The following MICU1 variants were observed in gnomAD, a reference collection of about 807,000 sequenced individuals.
MICU1 encodes the protein mitochondrial calcium uptake 1, also known as calcium uptake protein 1, mitochondrial.
A neutral mutation model predicts 56.8 loss-of-function variants in MICU1; 45 were observed. The ratio of observed to expected loss-of-function variants is 0.79; its 90% CI spans 0.62 to 1.02. The LOEUF is 1.02. Among genes scored for constraint, MICU1 ranks in the 50% least tolerant of loss-of-function variants. MICU1 has a pLI of 0.00. For missense variants in MICU1, 504 were observed against 587.1 expected, an observed-to-expected ratio of 0.86 and a Z score of 1.46; for synonymous variants, 186 against 195.1, an observed-to-expected ratio of 0.95 and a Z score of 0.39.
At chr10:72,562,809 T>C (rs371300065) in intron 3 of MICU1, 86 bp downstream of exon 3, 6 of 1,163,560 alleles carry the variant, frequency 5.2e-6, no homozygotes, top group Non-Finnish European at 6.9e-6. Context: ...AGATGAACCA[T>C]CTGAAACATA....
chr10:72,538,547 G>A (rs1207055789), intron 4 of MICU1, among the ~76,000 whole-genome samples: 2 of 151,954 alleles, frequency 1.3e-5, no homozygotes, highest in African/African-American at 2.4e-5. Context: ...TATGTTTTTT[G>A]TAAGCCTCAC....
In MICU1 at chr10:72,573,307, CAAAAAAA is replaced by C. The variant is rs58866778; in HGVS notation, c.-1-6520_-1-6514del. 1.2e-3 allele frequency among the ~76,000 whole-genome samples: 25 copies of C among 21,038 alleles called. No individual in the cohort carries two copies. The Admixed American group carries it at 0.014, about 12-fold the overall frequency. 13.8% of individuals were successfully genotyped at this position (21,038 alleles called of 152,430 possible). Reference sequence around the variant, plus strand: ...AAACATAATGAGACCCCCATCACTACAAAAAAAAAAAAAAAAAAAAAAAAAAAACTAA... The same window carrying C: ...AAACATAATGAGACCCCCATCACTACAAAAAAAAAAAAAAAAAAAAACTAA... On this transcript the variant is annotated intron_variant, in intron 1 of 11. Coordinates refer to ENST00000361114, the MANE Select transcript of MICU1 (RefSeq NM_001195518.2).
At chr10:72,525,852 T>G (rs1867946134) in intron 5 of MICU1, among the ~76,000 whole-genome samples, 1 of 152,176 alleles carries the variant, frequency 6.6e-6, no homozygotes, top group African/African-American at 2.4e-5. Flanking sequence ...ATCAGTTATG[T>G]GGGAGAGCCT....
At chr10:72,553,298 A>G (rs527280677) in intron 3 of MICU1, among the ~76,000 whole-genome samples, 2 of 150,678 alleles carry the variant, frequency 1.3e-5, no homozygotes, top group East Asian at 3.9e-4. Context: ...CACTGGCACA[A>G]TCTTGGCTCA....
At chr10:72,580,386 T>C (rs528832692) in intron 1 of MICU1, among the ~76,000 whole-genome samples, 34 of 152,308 alleles carry the variant, frequency 2.2e-4, no homozygotes, top group African/African-American at 7.5e-4. Flanking sequence ...TTTCAATACT[T>C]TTCCAATTCA....
intron 8 of MICU1, among the ~76,000 whole-genome samples, chr10:72,425,431 CCT>C (rs1244671898): frequency 6.6e-6 from 1 of 152,204 alleles, no homozygotes; most frequent in African/African-American, 2.4e-5. Context: ...CAAGGCCTCG[CCT>C]CTGTTTTGTT....
At chr10:72,522,180 A>G (rs1294424194) in intron 5 of MICU1, among the ~76,000 whole-genome samples, 2 of 152,128 alleles carry the variant, frequency 1.3e-5, no homozygotes, top group Admixed American at 1.3e-4. Context: ...ACTCTTATAG[A>G]ACTTTATTTA....
intron 5 of MICU1, among the ~76,000 whole-genome samples, chr10:72,520,792 A>C (rs1867794246): frequency 6.6e-6 from 1 of 152,160 alleles, no homozygotes; most frequent in South Asian, 2.1e-4. Flanking sequence ...CTGGAATGGC[A>C]TTAACTTTAA....
intron 8 of MICU1, among the ~76,000 whole-genome samples, chr10:72,474,867 C>G (rs1866064117): frequency 6.6e-6 from 1 of 152,146 alleles, no homozygotes; most frequent in Non-Finnish European, 1.5e-5. Context: ...ACAAAGACAG[C>G]TAAGATTTTT....
chr10:72,510,194 A>T (rs1308701577), intron 5 of MICU1, among the ~76,000 whole-genome samples: 1 of 152,204 alleles, frequency 6.6e-6, no homozygotes. Flanking sequence ...TCTAACAATC[A>T]TCCGGGCCAT....
chr10:72,618,276 T>A (rs942728256), intron 1 of MICU1, among the ~76,000 whole-genome samples: 2 of 152,104 alleles, frequency 1.3e-5, no homozygotes, highest in African/African-American at 2.4e-5. Flanking sequence ...ACCTTTATTA[T>A]TTTTTTGAAA....
At chr10:72,483,222 T>C (rs1428466813) in intron 6 of MICU1, 1 of 152,310 alleles carries the variant, frequency 6.6e-6, no homozygotes, top group Non-Finnish European at 1.5e-5. Flanking sequence ...TGGGTCCTTT[T>C]AGCCATGAAG....
At chr10:72,411,192 GGGA>G (rs1210089301) in intron 9 of MICU1, among the ~76,000 whole-genome samples, 1 of 152,188 alleles carries the variant, frequency 6.6e-6, no homozygotes, top group Non-Finnish European at 1.5e-5. Context: ...GTCAGGAGCT[GGGA>G]GGAGGAGAAT....
intron 4 of MICU1, among the ~76,000 whole-genome samples, chr10:72,541,952 G>A (rs1839783408): frequency 6.6e-6 from 1 of 152,072 alleles, no homozygotes; most frequent in Non-Finnish European, 1.5e-5. Context: ...ACTTATAGCA[G>A]TGAAAATAAA....
At chr10:72,411,880 T>C (rs12763759) in intron 9 of MICU1, among the ~76,000 whole-genome samples, 2 of 152,270 alleles carry the variant, frequency 1.3e-5, no homozygotes, top group South Asian at 2.1e-4. Flanking sequence ...CTAAACTGAA[T>C]GGCTATTCAT....
intron 1 of MICU1, among the ~76,000 whole-genome samples, chr10:72,568,526 G>C (rs1243474730): frequency 1.3e-5 from 2 of 152,048 alleles, no homozygotes; most frequent in Non-Finnish European, 2.9e-5. Context: ...ATGTCCCAAA[G>C]AGACACTGAT....
At chr10:72,383,194 T>C (rs4350287) in intron 10 of MICU1, among the ~76,000 whole-genome samples, 84,378 of 149,982 alleles carry the variant, frequency 0.56, 24,627 homozygotes, top group Non-Finnish European at 0.65. Flanking sequence ...TGCAGTGAGC[T>C]ATGACTGCAC....
chr10:72,605,532 G>A (rs112325020), intron 1 of MICU1, among the ~76,000 whole-genome samples: 3,895 of 152,288 alleles, frequency 0.026, 161 homozygotes, highest in African/African-American at 0.088. Context: ...GCAAAGCCAA[G>A]AATCCACATG....
intron 3 of MICU1, among the ~76,000 whole-genome samples, chr10:72,553,512 C>T (rs1376151976): frequency 6.6e-6 from 1 of 152,180 alleles, no homozygotes; most frequent in African/African-American, 2.4e-5. Flanking sequence ...GGATTACAGG[C>T]GTGAGCCACT....
Sources: gnomAD v4.1 joint callset for allele counts (sites outside exome capture counted in the v4.1 genomes callset) on GRCh38, gnomAD v4.1.1 for gene constraint, MANE v1.5 for transcripts, NCBI Gene and HGNC (gene_info 2026-07-23, HGNC 2026-07-21) for gene names.